NKIRAS1: variants seen among roughly 807,000 people sequenced by gnomAD.
NKIRAS1 encodes the protein NF-kappa-B inhibitor-interacting Ras-like protein 1.
NKIRAS1 carries 16 observed loss-of-function variants against 19.8 expected under a neutral mutation model. The observed-to-expected ratio is 0.81, with a 90% CI of 0.55 to 1.23. NKIRAS1 has a LOEUF of 1.23. Ranked by LOEUF, NKIRAS1 falls within the 50% of genes most tolerant of loss-of-function variation. The pLI, the probability that NKIRAS1 is intolerant of heterozygous loss-of-function variation, is 0.00. For synonymous variants in NKIRAS1, 88 were observed against 79.0 expected (o/e 1.11, Z -0.61); for missense variants, 184 against 220.0 (o/e 0.84, Z 1.04).
chr3:23,904,282 T>C (rs75155306), intron 3 of NKIRAS1, among the ~76,000 whole-genome samples: 43 of 152,350 alleles, frequency 2.8e-4, no homozygotes, highest in Non-Finnish European at 6.2e-4. Context: ...AAAATTTCTT[T>C]CTCACAGTTC....
intron 1 of NKIRAS1, chr3:23,945,649 G>A: frequency 3.5e-6 from 4 of 1,148,220 alleles, no homozygotes; most frequent in Non-Finnish European, 4.3e-6. Flanking sequence ...CTCAGAGCCC[G>A]CGGGGCACTT....
At chr3:23,937,833 G>A (rs1705423953) in intron 1 of NKIRAS1, among the ~76,000 whole-genome samples, 1 of 152,076 alleles carries the variant, frequency 6.6e-6, no homozygotes, top group Non-Finnish European at 1.5e-5. Context: ...GGTTTCTGTT[G>A]TTGATTGTTT....
At chr3:23,894,820 T>C (rs1701819682) in intron 4 of NKIRAS1, among the ~76,000 whole-genome samples, 1 of 152,188 alleles carries the variant, frequency 6.6e-6, no homozygotes, top group Non-Finnish European at 1.5e-5. Context: ...ATCAGTCTGT[T>C]GTACCTACTA....
In NKIRAS1 at chr3:23,896,150, A is replaced by T. The variant is rs1181781034; in HGVS notation, c.337-2813T>A. ...ACTCCATCTCAAAAAAAAAAAAAAA[A>T]AAAAAACTTCCACATTCTTCCGCCA... On this transcript the variant is annotated intron_variant, in intron 4 of 4. Transcript: ENST00000425478. 4.7e-3 allele frequency among the ~76,000 whole-genome samples: 713 copies of T among 151,066 alleles called. 10 individuals carry two copies. The highest frequency in any genetic ancestry group is 0.016 in the African/African-American group (670 of 41,084).
intron 3 of NKIRAS1, among the ~76,000 whole-genome samples, chr3:23,907,900 T>C (rs529796546): frequency 3.9e-4 from 59 of 152,338 alleles, no homozygotes; most frequent in East Asian, 7.7e-4. Context: ...CAAGCTGAAC[T>C]AGCCATCATT....
At chr3:23,915,832 C>G (rs1015073326) in intron 1 of NKIRAS1, 2 of 152,254 alleles carry the variant, frequency 1.3e-5, no homozygotes, top group African/African-American at 4.8e-5. Context: ...TACCTTCTCT[C>G]AAAGACTTAA....
intron 1 of NKIRAS1, among the ~76,000 whole-genome samples, chr3:23,944,413 T>G (rs1287995554): frequency 6.6e-6 from 1 of 152,194 alleles, no homozygotes; most frequent in African/African-American, 2.4e-5. Flanking sequence ...CCATATCATC[T>G]ATTCATGCCT....
At chr3:23,931,546 C>T (rs1029206102) in intron 1 of NKIRAS1, among the ~76,000 whole-genome samples, 5 of 152,140 alleles carry the variant, frequency 3.3e-5, no homozygotes, top group Admixed American at 6.5e-5. Context: ...TATTTGTCTC[C>T]TTAGCATCAC....
chr3:23,907,213 A>C (rs989848286), intron 3 of NKIRAS1, among the ~76,000 whole-genome samples: 2 of 152,154 alleles, frequency 1.3e-5, no homozygotes, highest in Non-Finnish European at 2.9e-5. Context: ...TGATTTTAAT[A>C]ACATTTTCTT....
chr3:23,945,548 G>C, intron 1 of NKIRAS1: 1 of 1,149,446 alleles, frequency 8.7e-7, no homozygotes, highest in Non-Finnish European at 1.1e-6. Flanking sequence ...TGCGGGAAGC[G>C]GGCGGCCCCG....
At chr3:23,920,877 C>T (rs1658725817), upstream of NKIRAS1, 2 of 683,896 alleles carry the variant, frequency 2.9e-6, no homozygotes, top group Non-Finnish European at 3.6e-6. Context: ...TGTCATCTTA[C>T]AGTGCTAATG....
At chr3:23,916,065 T>C (rs1248916945) in intron 1 of NKIRAS1, 1 of 152,126 alleles carries the variant, frequency 6.6e-6, no homozygotes, top group Non-Finnish European at 1.5e-5. Flanking sequence ...ATTTGTTGAA[T>C]CAATCAATGA....
chr3:23,893,305 G>A lies in NKIRAS1; in HGVS notation c.369C>T (p.Asp123=), dbSNP rs766818239. The A allele has an allele frequency of 5.0e-6, 8 of 1,613,550 alleles. No individual in the cohort carries two copies. In the Admixed American group the frequency reaches 1.3e-4, roughly 27 times the overall value. The change falls in exon 5 of 5, where the codon GAC becomes GAT. Residue 123 remains aspartate (D), a synonymous_variant. Coordinates refer to ENST00000425478, the MANE Select transcript of NKIRAS1 (RefSeq NM_020345.4). ...CGTCCACTTGTCTCTGCTCAGAAAG[G>A]TCGATTTTGTTTCCTAATACCACAA... ...VAIVVLGNKI[D]LSEQRQVDAE...
At chr3:23,937,167 G>T (rs7610625) in intron 1 of NKIRAS1, among the ~76,000 whole-genome samples, 97,134 of 151,490 alleles carry the variant, frequency 0.64, 31,337 homozygotes, top group Middle Eastern at 0.73. Context: ...ATCACTTGAG[G>T]CTAGAGTTCG....
At chr3:23,896,454 A>G (rs1702005066) in intron 4 of NKIRAS1, among the ~76,000 whole-genome samples, 1 of 151,718 alleles carries the variant, frequency 6.6e-6, no homozygotes, top group African/African-American at 2.4e-5. Flanking sequence ...GTCGTCTAAA[A>G]ATACAAAAAT....
chr3:23,921,582 T>G (rs889590000), upstream of NKIRAS1: 24 of 676,966 alleles, frequency 3.5e-5, no homozygotes, highest in African/African-American at 2.0e-4. Flanking sequence ...TTTTTTTTTT[T>G]TTTTTTTTTT....
At chr3:23,905,795 CAAAAAAA>C (rs34872852) in intron 3 of NKIRAS1, among the ~76,000 whole-genome samples, 3 of 117,720 alleles carry the variant, frequency 2.5e-5, no homozygotes, top group African/African-American at 1.0e-4. Flanking sequence ...AAATGTGCTC[CAAAAAAA>C]AAAAAAAAAG....
chr3:23,900,713 A>T, intron 4 of NKIRAS1, 95 bp downstream of exon 4: 1 of 887,696 alleles, frequency 1.1e-6, no homozygotes. Context: ...CTAAGAATAT[A>T]CTGTAATGAT....
chr3:23,919,198 G>A, upstream of NKIRAS1: 1 of 1,612,784 alleles, frequency 6.2e-7, no homozygotes, highest in Non-Finnish European at 8.5e-7. Flanking sequence ...TATTCTAGGA[G>A]CGAGCTGGAC....
Sources: gnomAD v4.1 joint callset for allele counts (sites outside exome capture counted in the v4.1 genomes callset) on GRCh38, gnomAD v4.1.1 for gene constraint, MANE v1.5 for transcripts, NCBI Gene and HGNC (gene_info 2026-07-23, HGNC 2026-07-21) for gene names.